The following SYTL5 variants were observed in gnomAD, a reference collection of about 807,000 sequenced individuals.
The protein encoded by SYTL5 is synaptotagmin like 5.
Under a neutral mutation model 55.9 loss-of-function variants are expected in SYTL5, and 34 were observed. The ratio of observed to expected loss-of-function variants is 0.61; its 90% CI spans 0.46 to 0.81. The LOEUF (loss-of-function observed/expected upper bound fraction) is 0.81. Among genes scored for constraint, SYTL5 ranks in the 30% least tolerant of loss-of-function variants. SYTL5 has a pLI of 0.00. For missense variants in SYTL5, 637 were observed against 546.7 expected (o/e 1.17, Z -1.65); for synonymous variants, 221 against 188.7 (o/e 1.17, Z -1.40).
chrX:37,990,771 G>A, the SYTL5 span: 3 of 1,129,442 alleles, frequency 2.7e-6, no homozygotes, highest in African/African-American at 5.5e-5. Context: ...CTAAGCACTA[G>A]TGTCCTCAGA....
At chrX:37,926,393 T>C in the SYTL5 span, among the ~76,000 whole-genome samples, 1 of 110,631 alleles carries the variant, frequency 9.0e-6, no homozygotes, top group Admixed American at 9.7e-5. Flanking sequence ...TTTTACTGGC[T>C]GACCCCCCTC....
chrX:37,924,286 A>G, the SYTL5 span, among the ~76,000 whole-genome samples: 2 of 111,288 alleles, frequency 1.8e-5, no homozygotes, highest in Admixed American at 1.9e-4. Flanking sequence ...ATACTTAACG[A>G]CTATATGGTC....
At chrX:38,030,772 C>G (rs1347467207) in intron 1 of SYTL5, among the ~76,000 whole-genome samples, 1 of 112,270 alleles carries the variant, frequency 8.9e-6, no homozygotes, top group African/African-American at 3.2e-5. Flanking sequence ...TGGGCAGTTT[C>G]CATTGCCCTT....
the SYTL5 span, chrX:37,939,578 C>G: frequency 8.9e-6 from 1 of 112,128 alleles, no homozygotes; most frequent in Non-Finnish European, 1.9e-5. Context: ...CATTGTCATC[C>G]TAGGTGCACT....
intron 1 of SYTL5, among the ~76,000 whole-genome samples, chrX:38,024,447 T>A (rs975919100): frequency 6.3e-5 from 7 of 110,947 alleles, no homozygotes; most frequent in African/African-American, 2.3e-4. Flanking sequence ...TTACCCAGTT[T>A]CAGGTATTTC....
chrX:38,120,111 A>G (rs367628049), intron 13 of SYTL5, among the ~76,000 whole-genome samples: 34 of 112,553 alleles, frequency 3.0e-4, no homozygotes, highest in African/African-American at 1.1e-3. Context: ...AATATAAGTT[A>G]TATGTCTTCT....
At chrX:38,002,208 T>C (rs774530947), upstream of SYTL5, among the ~76,000 whole-genome samples, 1 of 112,320 alleles carries the variant, frequency 8.9e-6, no homozygotes, top group East Asian at 2.8e-4. Context: ...TTGGTTTTTA[T>C]GGCTGCATAG....
intron 1 of SYTL5, among the ~76,000 whole-genome samples, chrX:38,006,895 CT>C (rs1346150791): frequency 9.0e-6 from 1 of 110,963 alleles, no homozygotes; most frequent in Non-Finnish European, 1.9e-5. Flanking sequence ...ATATAAGTAT[CT>C]TTTTGTTATT....
At chrX:38,056,629 T>C in intron 3 of SYTL5, among the ~76,000 whole-genome samples, 1 of 112,078 alleles carries the variant, frequency 8.9e-6, no homozygotes, top group Non-Finnish European at 1.9e-5. Context: ...CATTTGTTAT[T>C]GCCTGTCTTT....
At chrX:38,014,096 T>TA (rs1313261271) in intron 1 of SYTL5, among the ~76,000 whole-genome samples, 1 of 112,429 alleles carries the variant, frequency 8.9e-6, no homozygotes, top group African/African-American at 3.2e-5. Flanking sequence ...ACTGTCATAA[T>TA]AAAACTCTTT....
intron 11 of SYTL5, among the ~76,000 whole-genome samples, chrX:38,107,252 G>A (rs749227699): frequency 9.0e-6 from 1 of 111,664 alleles, no homozygotes; most frequent in South Asian, 3.8e-4. Flanking sequence ...GGGTTCTCAA[G>A]ACCACTGCCA....
chrX:38,027,274 A>T (rs1934805710), intron 1 of SYTL5, among the ~76,000 whole-genome samples: 1 of 112,608 alleles, frequency 8.9e-6, no homozygotes, highest in Non-Finnish European at 1.9e-5. Flanking sequence ...AAGCAAAATT[A>T]TCCCAAGTAA....
the SYTL5 span, among the ~76,000 whole-genome samples, chrX:37,904,671 C>A: frequency 2.0e-4 from 22 of 110,720 alleles, no homozygotes; most frequent in African/African-American, 5.9e-4. Flanking sequence ...CCTACGCATC[C>A]AATTATGGGG....
chrX:38,103,880 C>A (rs1937142475), intron 10 of SYTL5, among the ~76,000 whole-genome samples: 1 of 111,542 alleles, frequency 9.0e-6, no homozygotes, highest in Non-Finnish European at 1.9e-5. Context: ...ATGTAATAAG[C>A]AGTGTATCCT....
chrX:38,073,562 A>G, intron 4 of SYTL5, 28 bp from the exon 5 acceptor site: 1 of 1,075,245 alleles, frequency 9.3e-7, no homozygotes, highest in East Asian at 3.2e-5. Flanking sequence ...TTGTATGTAA[A>G]TTTCTCTTCT....
intron 2 of SYTL5, among the ~76,000 whole-genome samples, chrX:38,046,565 C>T (rs977686497): frequency 8.9e-6 from 1 of 111,932 alleles, no homozygotes; most frequent in African/African-American, 3.3e-5. Flanking sequence ...ATTATGGGAA[C>T]TACAATTCAA....
At chrX:38,003,300 G>A (rs1469197438), upstream of SYTL5, among the ~76,000 whole-genome samples, 2 of 111,682 alleles carry the variant, frequency 1.8e-5, no homozygotes, top group African/African-American at 6.5e-5. Context: ...GTCAGGTAGC[G>A]TGATACCTCC....
At chrX:38,115,363 A>G (rs745954366) in intron 13 of SYTL5, among the ~76,000 whole-genome samples, 2 of 102,611 alleles carry the variant, frequency 1.9e-5, no homozygotes, top group South Asian at 4.6e-4. Flanking sequence ...GGGCGCCTGT[A>G]GTCCCAGCTA....
chrX:38,101,152 T>G (rs1188903131), intron 9 of SYTL5, among the ~76,000 whole-genome samples: 1 of 111,263 alleles, frequency 9.0e-6, no homozygotes. Flanking sequence ...TCATTTTGTT[T>G]CAGAGTATAC....
Sources: gnomAD v4.1 joint callset for allele counts (sites outside exome capture counted in the v4.1 genomes callset) on GRCh38, gnomAD v4.1.1 for gene constraint, MANE v1.5 for transcripts, NCBI Gene and HGNC (gene_info 2026-07-23, HGNC 2026-07-21) for gene names.